The following NBEA variants were observed in gnomAD, a reference collection of about 807,000 sequenced individuals.
NBEA encodes neurobeachin.
NBEA carries 44 observed loss-of-function variants against 343.4 expected under a neutral mutation model. That is an observed-to-expected ratio of 0.13 (90% CI 0.10 to 0.16). NBEA has a LOEUF of 0.16. Ranked by LOEUF, NBEA falls within the 10% of genes least tolerant of loss-of-function variation. The probability of loss-of-function intolerance (pLI) is 1.00; values close to 1 mark genes in which losing one functional copy is unlikely to be tolerated. For missense variants in NBEA, 2,555 were observed against 3,631.3 expected (o/e 0.70, Z 7.62); for synonymous variants, 1,175 against 1,238.7 (o/e 0.95, Z 1.08).
chr13:35,184,421 T>G (rs2071541242), intron 30 of NBEA, among the ~76,000 whole-genome samples: 1 of 152,004 alleles, frequency 6.6e-6, no homozygotes, highest in Non-Finnish European at 1.5e-5. Flanking sequence ...AAAACATGCC[T>G]TGAAAGCATC....
At chr13:35,325,555 A>C (rs2038492864) in intron 36 of NBEA, among the ~76,000 whole-genome samples, 1 of 152,102 alleles carries the variant, frequency 6.6e-6, no homozygotes, top group Non-Finnish European at 1.5e-5. Flanking sequence ...ATAACAAGAA[A>C]TGAAATTACA....
At chr13:34,995,798 A>C (rs894831450) in intron 1 of NBEA, among the ~76,000 whole-genome samples, 1 of 152,214 alleles carries the variant, frequency 6.6e-6, no homozygotes, top group Non-Finnish European at 1.5e-5. Flanking sequence ...TGGGCTCAGT[A>C]CAGGAGCCTA....
intron 1 of NBEA, among the ~76,000 whole-genome samples, chr13:35,010,915 A>T (rs771125049): frequency 6.6e-6 from 1 of 151,214 alleles, no homozygotes; most frequent in Non-Finnish European, 1.5e-5. Flanking sequence ...CCATTTCTTT[A>T]AAAAAAGGGC....
In NBEA at chr13:34,986,665, A is replaced by T. The variant is rs1188326181; in HGVS notation, c.294+43551A>T. Among the ~76,000 whole-genome samples the T allele has an allele frequency of 2.7e-5, 4 of 150,690 alleles. 1 individual carries two copies. The highest frequency in any genetic ancestry group is 5.9e-5 in the Non-Finnish European group (4 of 67,322). On this transcript the variant is annotated intron_variant, in intron 1 of 58. Transcript: ENST00000379939. ...AAGTCTCCCATTATTATTGTGTGGG[A>T]GTCTAAGTCTCTTTGTAGGTCTCTA...
intron 1 of NBEA, among the ~76,000 whole-genome samples, chr13:34,955,883 T>A (rs2059475249): frequency 6.6e-6 from 1 of 152,190 alleles, no homozygotes; most frequent in African/African-American, 2.4e-5. Context: ...ATGCAAATGC[T>A]AATCTCATTC....
At chr13:35,215,684 A>G (rs2074027823) in intron 33 of NBEA, among the ~76,000 whole-genome samples, 1 of 151,492 alleles carries the variant, frequency 6.6e-6, no homozygotes, top group Non-Finnish European at 1.5e-5. Flanking sequence ...AACTTTCTAA[A>G]CTCACATAAT....
At chr13:34,998,897 A>T (rs1309790003) in intron 1 of NBEA, among the ~76,000 whole-genome samples, 1 of 152,164 alleles carries the variant, frequency 6.6e-6, no homozygotes, top group Non-Finnish European at 1.5e-5. Flanking sequence ...TTGATTGGGG[A>T]AGTGATAAGT....
chr13:35,506,280 G>C (rs2077069041), intron 41 of NBEA, among the ~76,000 whole-genome samples: 1 of 152,016 alleles, frequency 6.6e-6, no homozygotes, highest in African/African-American at 2.4e-5. Context: ...TGTTGCCCAG[G>C]CTAGTCTTGA....
At chr13:35,168,219 T>A (rs2070189920) in intron 24 of NBEA, among the ~76,000 whole-genome samples, 1 of 151,684 alleles carries the variant, frequency 6.6e-6, no homozygotes, top group Non-Finnish European at 1.5e-5. Flanking sequence ...AATAGCATAT[T>A]TTAAGATTTA....
At chr13:35,667,632 T>C (rs2085422099) in intron 57 of NBEA, 62 bp downstream of exon 57, 8 of 1,382,430 alleles carry the variant, frequency 5.8e-6, no homozygotes, top group Admixed American at 1.8e-5. Context: ...TTGATTGTTT[T>C]ACATTAAATA....
intron 35 of NBEA, among the ~76,000 whole-genome samples, chr13:35,291,807 G>C (rs1275944167): frequency 6.6e-6 from 1 of 151,724 alleles, no homozygotes; most frequent in Non-Finnish European, 1.5e-5. Flanking sequence ...TGCCATTAAG[G>C]GCCCTAGAGA....
At chr13:35,655,462 C>A in intron 54 of NBEA, 117 bp from the exon 55 acceptor site, 1 of 1,130,898 alleles carries the variant, frequency 8.8e-7, no homozygotes, top group Non-Finnish European at 1.2e-6. Context: ...TTTCACAAAA[C>A]TGGTAAAATA....
intron 36 of NBEA, among the ~76,000 whole-genome samples, chr13:35,345,282 A>G (rs2039809267): frequency 6.6e-6 from 1 of 152,114 alleles, no homozygotes. Context: ...ATATCTACAG[A>G]AAACCTGCAG....
intron 53 of NBEA, among the ~76,000 whole-genome samples, chr13:35,653,235 GGAT>G (rs2084645224): frequency 6.6e-6 from 1 of 151,776 alleles, no homozygotes; most frequent in East Asian, 1.9e-4. Context: ...CTGTATCACT[GGAT>G]GATTAGTAAG....
At chr13:34,965,902 T>C (rs2059806025) in intron 1 of NBEA, among the ~76,000 whole-genome samples, 1 of 152,080 alleles carries the variant, frequency 6.6e-6, no homozygotes, top group South Asian at 2.1e-4. Context: ...AAAATGATAA[T>C]GTAGTTACAA....
At chr13:35,165,386 T>C (rs192528434) in intron 24 of NBEA, among the ~76,000 whole-genome samples, 2 of 152,268 alleles carry the variant, frequency 1.3e-5, no homozygotes, top group African/African-American at 4.8e-5. Flanking sequence ...TATTCATGAA[T>C]TTGCTCAAGA....
chr13:35,351,174 A>G (rs2040177965), intron 37 of NBEA, among the ~76,000 whole-genome samples: 1 of 152,130 alleles, frequency 6.6e-6, no homozygotes, highest in Admixed American at 6.6e-5. Flanking sequence ...AATATGTTCA[A>G]GTACCTTCCA....
intron 1 of NBEA, among the ~76,000 whole-genome samples, chr13:35,033,073 T>A (rs2152551058): frequency 6.6e-6 from 1 of 151,938 alleles, no homozygotes; most frequent in African/African-American, 2.4e-5. Flanking sequence ...TGGTGAAATT[T>A]TTGCTCAGAC....
At chr13:35,251,210 TG>T in intron 34 of NBEA, 1 of 258,598 alleles carries the variant, frequency 3.9e-6, no homozygotes, top group Non-Finnish European at 7.5e-6. Flanking sequence ...TCTCATCCCA[TG>T]GGTACAGAAA....
Sources: gnomAD v4.1 joint callset for allele counts (sites outside exome capture counted in the v4.1 genomes callset) on GRCh38, gnomAD v4.1.1 for gene constraint, MANE v1.5 for transcripts, NCBI Gene and HGNC (gene_info 2026-07-23, HGNC 2026-07-21) for gene names.